PCYT1A: variants seen among roughly 807,000 people sequenced by gnomAD.
The protein encoded by PCYT1A is choline-phosphate cytidylyltransferase A.
A neutral mutation model predicts 43.7 loss-of-function variants in PCYT1A; 25 were observed. The observed-to-expected ratio is 0.57, with a 90% confidence interval of 0.42 to 0.80. The LOEUF (loss-of-function observed/expected upper bound fraction) is 0.80. Among genes scored for constraint, PCYT1A ranks in the 30% least tolerant of loss-of-function variants. The pLI, the probability that PCYT1A is intolerant of heterozygous loss-of-function variation, is 0.00. For synonymous variants in PCYT1A, 172 were observed against 170.7 expected, an observed-to-expected ratio of 1.01 and a Z score of -0.06; for missense variants, 421 against 474.2, an observed-to-expected ratio of 0.89 and a Z score of 1.04.
At position 196,247,585 on chromosome 3, in the gene PCYT1A, C is replaced by A. The variant is rs1446957891; in HGVS notation, c.335-67G>T. ...GCTTAGCACCTCCTCAGCCACCGAC[C>A]TCTCCCATCTTCTCCCACTGCTTAG... On this transcript the variant is annotated intron_variant, in intron 4 of 8. Transcript: ENST00000431016. The surrounding 1 kb of genome is among the most constrained non-coding windows in gnomAD (Gnocchi z 4.8). 6.9e-7 allele frequency: 1 copy of A among 1,442,930 alleles called. No homozygotes were observed. The highest frequency in any genetic ancestry group is 9.8e-7 in the Non-Finnish European group (1 of 1,025,518). The allele number at this position is 1,442,930 out of a possible 1,614,324, so 89.4% of individuals were successfully genotyped here. A position where few individuals can be genotyped will look rare whatever the true frequency, so the allele number is the denominator to read the frequency against.
rs1319819139 is a variant in PCYT1A, at chr3:196,273,474, G to A, written c.-10-2933C>T. ...TGGAGGACGAGCAAGGTGAAGAGGTGCTTTATTGAGCAACACAACAGCCCT... is the reference window on the plus strand; with the variant it reads ...TGGAGGACGAGCAAGGTGAAGAGGTACTTTATTGAGCAACACAACAGCCCT... On this transcript the variant is annotated intron_variant, in intron 1 of 8. Coordinates refer to ENST00000431016, the MANE Select transcript of PCYT1A (RefSeq NM_001312673.2). The surrounding 1 kb of genome is among the most constrained non-coding windows in gnomAD (Gnocchi z 4.1). Among the ~76,000 whole-genome samples, 4 of 152,314 alleles carry A rather than the reference G, an allele frequency of 2.6e-5. No individual in the cohort carries two copies. In the East Asian group the frequency reaches 7.7e-4, roughly 29 times the overall value.
intron 2 of PCYT1A, chr3:196,267,227 A>C (rs1009329558): frequency 2.3e-6 from 1 of 431,988 alleles, no homozygotes. Flanking sequence ...TGCAGTACGA[A>C]TGAATCTTCA....
intron 5 of PCYT1A, chr3:196,243,025 G>T (rs1724407339): frequency 9.4e-6 from 2 of 212,172 alleles, no homozygotes; most frequent in Admixed American, 1.0e-4. Context: ...GTCAAATAAG[G>T]GTTTCTAAAA....
intron 1 of PCYT1A, among the ~76,000 whole-genome samples, chr3:196,272,424 T>G (rs1177552165): frequency 6.6e-6 from 1 of 152,184 alleles, no homozygotes; most frequent in Non-Finnish European, 1.5e-5. Context: ...GACCTCGTGA[T>G]CCACCTGCCT....
intron 1 of PCYT1A, among the ~76,000 whole-genome samples, chr3:196,274,230 A>C (rs903599980): frequency 5.9e-5 from 9 of 152,182 alleles, no homozygotes; most frequent in Non-Finnish European, 1.3e-4. Context: ...CTGGGCCCCC[A>C]AAAGCACAGG....
At chr3:196,254,277 C>T (rs1336738134) in intron 3 of PCYT1A, among the ~76,000 whole-genome samples, 1 of 151,908 alleles carries the variant, frequency 6.6e-6, no homozygotes, top group Non-Finnish European at 1.5e-5. Flanking sequence ...CCACCCACCT[C>T]AGCTTTCCAA....
intron 1 of PCYT1A, among the ~76,000 whole-genome samples, chr3:196,276,558 G>A (rs1024594264): frequency 6.6e-6 from 1 of 150,660 alleles, no homozygotes; most frequent in Non-Finnish European, 1.5e-5. Flanking sequence ...AGCCGAGATC[G>A]CACCACTGCA....
At chr3:196,248,528 C>T (rs368220474) in intron 3 of PCYT1A, among the ~76,000 whole-genome samples, 16 of 151,626 alleles carry the variant, frequency 1.1e-4, no homozygotes, top group Non-Finnish European at 1.5e-4. Flanking sequence ...CATGTCATCA[C>T]GCCTGCCTAA....
chr3:196,244,650 A>G (rs898933765), intron 5 of PCYT1A, among the ~76,000 whole-genome samples: 2 of 152,220 alleles, frequency 1.3e-5, no homozygotes, highest in African/African-American at 4.8e-5. Context: ...TCGAATAGAA[A>G]AGGGGGAAAT....
rs1724265472 is a variant in PCYT1A at position 196,238,886 on chromosome 3, CAT to C, written c.904_905del (p.Met302AlafsTer58). 1.4e-6 allele frequency: 2 copies of C among 1,435,328 alleles called. No individual in the cohort carries two copies. Among genetic ancestry groups the C allele is most frequent in the East Asian group, 2.7e-5 (1 of 37,298 alleles). The allele number at this position is 1,435,328 out of a possible 1,614,324, so 88.9% of individuals were successfully genotyped here. Reference protein sequence around the residue: ...MFGPEGALKHMLKEGKGRMLQ... With the variant: ...MFGPEGALKHXLKEGKGRMLQ... ...GCATCCGGCCCTTCCCCTCTTTCAG[CAT>C]ATGTTTCTGCAGAAACCGAAAGGAA... On this transcript the variant is annotated frameshift_variant, in exon 9 of 9. Transcript: ENST00000431016. LOFTEE classifies it high-confidence loss of function.
At chr3:196,278,737 T>C (rs1725664529) in intron 1 of PCYT1A, among the ~76,000 whole-genome samples, 1 of 152,170 alleles carries the variant, frequency 6.6e-6, no homozygotes, top group South Asian at 2.1e-4. Flanking sequence ...CCCAGCACTT[T>C]GGGAGACCAA....
At chr3:196,272,221 G>A (rs1281435929) in intron 1 of PCYT1A, among the ~76,000 whole-genome samples, 11 of 146,646 alleles carry the variant, frequency 7.5e-5, no homozygotes, top group Admixed American at 3.5e-4. Context: ...GTCTCACTCC[G>A]TCACCCTGGC....
chr3:196,247,353 GT>G lies in PCYT1A; in HGVS notation c.486+13del. 1.2e-6 allele frequency: 2 copies of G among 1,613,248 alleles called. No homozygotes were observed. The highest frequency in any genetic ancestry group is 2.7e-5 in the African/African-American group (2 of 75,028). On this transcript the variant is annotated intron_variant, in intron 5 of 8. Coordinates refer to ENST00000431016, the MANE Select transcript of PCYT1A (RefSeq NM_001312673.2). The surrounding 1 kb of genome is among the most constrained non-coding windows in gnomAD (Gnocchi z 4.8). ...TCTGAAACAAGGAATGGGAATATGTGTCCAGTTTCTTACCCGGTGTTCGGCC... is the reference window on the plus strand; with the variant it reads ...TCTGAAACAAGGAATGGGAATATGTGCCAGTTTCTTACCCGGTGTTCGGCC...
At chr3:196,257,946 C>CAA in intron 2 of PCYT1A, 59 bp from the exon 3 acceptor site, 1 of 885,222 alleles carries the variant, frequency 1.1e-6, no homozygotes, top group Non-Finnish European at 1.8e-6. Context: ...CACTGTAATA[C>CAA]TAAAAAAAAA....
intron 8 of PCYT1A, 56 bp from the exon 9 acceptor site, chr3:196,238,950 A>G (rs1275525835): frequency 5.4e-6 from 6 of 1,104,970 alleles, no homozygotes; most frequent in Non-Finnish European, 7.3e-6. Flanking sequence ...CTTAATCATC[A>G]CTGAAGCATC....
chr3:196,242,512 T>A lies in PCYT1A; in HGVS notation c.565+50A>T, dbSNP rs1228370859. The A allele has an allele frequency of 3.4e-6, 4 of 1,193,848 alleles. No individual in the cohort carries two copies. In the African/African-American group the frequency reaches 6.0e-5, roughly 18 times the overall value. The allele number at this position is 1,193,848 out of a possible 1,614,324, so 74.0% of individuals were successfully genotyped here. A position where few individuals can be genotyped will look rare whatever the true frequency, so the allele number is the denominator to read the frequency against. On this transcript the variant is annotated intron_variant, in intron 6 of 8. Transcript: ENST00000431016. The surrounding 1 kb of genome is among the most constrained non-coding windows in gnomAD (Gnocchi z 4.2). ...TGTAAAGCAGCAACATGGCTGAACA[T>A]CTGCAGCTGCCCTGAGATCCCCTAC...
intron 2 of PCYT1A, among the ~76,000 whole-genome samples, chr3:196,259,319 T>C (rs1039734933): frequency 6.6e-6 from 1 of 151,590 alleles, no homozygotes; most frequent in African/African-American, 2.4e-5. Context: ...AACTTGTCTC[T>C]TTCTAGGAAA....
At chr3:196,279,069 C>G (rs1240124213) in intron 1 of PCYT1A, among the ~76,000 whole-genome samples, 2 of 151,356 alleles carry the variant, frequency 1.3e-5, no homozygotes, top group African/African-American at 2.4e-5. Context: ...GGGAGGATCA[C>G]CTGAGGTCAG....
At chr3:196,264,212 TA>T (rs1265323596) in intron 2 of PCYT1A, among the ~76,000 whole-genome samples, 1 of 152,174 alleles carries the variant, frequency 6.6e-6, no homozygotes. Context: ...CATATCTCAG[TA>T]ATCTCCAAGA....
Sources: allele counts gnomAD v4.1 joint callset (sites outside exome capture counted in the v4.1 genomes callset), GRCh38; gene constraint gnomAD v4.1.1; non-coding constraint Gnocchi (gnomAD v3.1); transcripts MANE v1.5; gene names NCBI Gene and HGNC (gene_info 2026-07-23, HGNC 2026-07-21).